The following AGAP1 variants were observed in gnomAD, a reference collection of about 807,000 sequenced individuals.
AGAP1 encodes arf-GAP with GTPase, ANK repeat and PH domain-containing protein 1.
In AGAP1, 29 loss-of-function variants were observed where a neutral mutation model predicts 105.3. The ratio of observed to expected loss-of-function variants is 0.28; its 90% CI spans 0.21 to 0.38. AGAP1 has a LOEUF of 0.38. AGAP1 is among the 10% of genes least tolerant of loss of function. The pLI is 1.00. For synonymous variants in AGAP1, 509 were observed against 485.9 expected (o/e 1.05, Z -0.63); for missense variants, 998 against 1,165.1 (o/e 0.86, Z 2.09).
intron 15 of AGAP1, among the ~76,000 whole-genome samples, chr2:236,047,631 G>A (rs192795268): frequency 0.1 from 9,420 of 91,472 alleles, 1,481 homozygotes; most frequent in African/African-American, 0.36. Flanking sequence ...GAGGAGTCTC[G>A]TTCTGTCACC....
At chr2:235,863,173 C>T (rs1297053508) in intron 9 of AGAP1, among the ~76,000 whole-genome samples, 1 of 152,182 alleles carries the variant, frequency 6.6e-6, no homozygotes, top group African/African-American at 2.4e-5. Flanking sequence ...CCCTACTGTC[C>T]ATAAGCTCAT....
chr2:235,894,310 T>G (rs1041073914), intron 10 of AGAP1, among the ~76,000 whole-genome samples: 1 of 152,090 alleles, frequency 6.6e-6, no homozygotes, highest in East Asian at 1.9e-4. Context: ...TAATCCCCAT[T>G]GAACAGAGCC....
chr2:235,798,031 A>C (rs1270295314), intron 7 of AGAP1, 145 bp downstream of exon 7: 2 of 1,065,276 alleles, frequency 1.9e-6, no homozygotes, highest in African/African-American at 1.6e-5. Context: ...CATTTTCTTC[A>C]GAAACTGCTG....
chr2:235,671,380 A>C (rs1280055821), intron 1 of AGAP1, among the ~76,000 whole-genome samples: 1 of 152,056 alleles, frequency 6.6e-6, no homozygotes. Context: ...GCGGGCCCTG[A>C]GCTGGCTGCC....
Position 235,961,371 on chromosome 2 carries a change from G to T in AGAP1, c.1484-7091G>T, listed in dbSNP as rs1005697994. 2.6e-5 allele frequency among the ~76,000 whole-genome samples: 4 copies of T among 152,244 alleles called. No individual in the cohort carries two copies. Among genetic ancestry groups the T allele is most frequent in the Non-Finnish European group, 5.9e-5 (4 of 68,050 alleles). ...CCGTCTAAGGCGGCAGGGATGAGCT[G>T]TGTGGATGCTGCTGAGACTGGTGTG... On this transcript the variant is annotated intron_variant, in intron 12 of 17. Transcript: ENST00000304032. This position sits in a 1 kb window ranked among gnomAD's most constrained non-coding sequence, Gnocchi z 5.9.
intron 1 of AGAP1, among the ~76,000 whole-genome samples, chr2:235,583,871 C>A (rs1945015125): frequency 2.1e-5 from 2 of 95,562 alleles, no homozygotes; most frequent in Admixed American, 9.8e-5. Flanking sequence ...GAGATCATGT[C>A]TTAAAAAAAA....
chr2:235,564,140 T>G (rs1025441212), intron 1 of AGAP1, among the ~76,000 whole-genome samples: 7 of 152,182 alleles, frequency 4.6e-5, no homozygotes, highest in African/African-American at 1.7e-4. Context: ...CACACAACCT[T>G]TTAAAATTTA....
intron 9 of AGAP1, among the ~76,000 whole-genome samples, chr2:235,828,899 C>T (rs1364144153): frequency 6.6e-6 from 1 of 152,196 alleles, no homozygotes; most frequent in East Asian, 1.9e-4. Context: ...ACCTTGAGTC[C>T]TCGTTTGTAA....
rs1259857988 is a variant in AGAP1, at chr2:236,042,903, G to A, written c.1891+2062G>A. 6.6e-6 allele frequency among the ~76,000 whole-genome samples: 1 copy of A among 152,218 alleles called. No homozygotes were observed. Among genetic ancestry groups the A allele is most frequent in the Non-Finnish European group, 1.5e-5 (1 of 68,040 alleles). ...CCGGTGCCAAACCCTCCCATGCGCT[G>A]TCTTTTCATTCTGCAACCCTAGTAG... On this transcript the variant is annotated intron_variant, in intron 15 of 17. Coordinates refer to ENST00000304032, the MANE Select transcript of AGAP1 (RefSeq NM_001037131.3). The surrounding 1 kb of genome is among the most constrained non-coding windows in gnomAD (Gnocchi z 5.6).
At chr2:235,915,999 T>C (rs2051861470) in intron 11 of AGAP1, among the ~76,000 whole-genome samples, 1 of 152,076 alleles carries the variant, frequency 6.6e-6, no homozygotes, top group South Asian at 2.1e-4. Flanking sequence ...TTAAATATAA[T>C]GGAAATATTC....
rs1946909356 is a variant in AGAP1, at chr2:235,633,914, G to A, written c.164-75265G>A. On this transcript the variant is annotated intron_variant, in intron 1 of 17. Transcript: ENST00000304032. This position sits in a 1 kb window ranked among gnomAD's most constrained non-coding sequence, Gnocchi z 4.8. ...GCAAGAGATCAGGAGAGCAGGAGAAGCTCAGAGAGAAACTTGGCTGCATCT... is the reference window on the plus strand; with the variant it reads ...GCAAGAGATCAGGAGAGCAGGAGAAACTCAGAGAGAAACTTGGCTGCATCT... Among the ~76,000 whole-genome samples, 1 of 152,164 alleles carries A rather than the reference G, an allele frequency of 6.6e-6. No individual in the cohort carries two copies. The highest frequency in any genetic ancestry group is 2.4e-5 in the African/African-American group (1 of 41,430).
At position 235,930,424 on chromosome 2, in the gene AGAP1, G is replaced by A. The variant is rs774399504; in HGVS notation, c.1325-341G>A. Among the ~76,000 whole-genome samples the A allele has an allele frequency of 2.0e-5, 3 of 152,246 alleles. No individual in the cohort carries two copies. The highest frequency in any genetic ancestry group is 6.5e-5 in the Admixed American group (1 of 15,300). Reference sequence around the variant, plus strand: ...CCATCTTGCCGGCCTGCCGGATCGCGGTGTCTCTGCTAAGACTCGCTGGGT... The same window carrying A: ...CCATCTTGCCGGCCTGCCGGATCGCAGTGTCTCTGCTAAGACTCGCTGGGT... On this transcript the variant is annotated intron_variant, in intron 11 of 17. Transcript: ENST00000304032. This position sits in a 1 kb window ranked among gnomAD's most constrained non-coding sequence, Gnocchi z 7.9.
chr2:235,932,867 C>T (rs2052790486), intron 12 of AGAP1, among the ~76,000 whole-genome samples: 1 of 152,212 alleles, frequency 6.6e-6, no homozygotes, highest in Non-Finnish European at 1.5e-5. Flanking sequence ...AAGTGGGCTG[C>T]ATTGTCTGCA....
intron 6 of AGAP1, among the ~76,000 whole-genome samples, chr2:235,763,057 T>TGTGTGTGTGTGTGC (rs953192018): frequency 1.9e-5 from 2 of 107,108 alleles, no homozygotes; most frequent in African/African-American, 5.9e-5. Context: ...TGTGTATGTG[T>TGTGTGTGTGTGTGC]GCGCGCGCGC....
rs191289496 is a variant in AGAP1, at chr2:235,721,164, C to T, written c.310+3520C>T. Among the ~76,000 whole-genome samples the T allele has an allele frequency of 8.9e-4, 136 of 152,160 alleles. 3 individuals are homozygous for T. The East Asian group carries it at 0.02, about 23-fold the overall frequency. ...CTGGGATTACAGGCACCCCCCACCG[C>T]GCCCGGATAATTTTTGTATTTTTGG... is the stretch of plus-strand genomic sequence containing the variant. On this transcript the variant is annotated intron_variant, in intron 3 of 17. Coordinates refer to ENST00000304032, the MANE Select transcript of AGAP1 (RefSeq NM_001037131.3). The surrounding 1 kb of genome is among the most constrained non-coding windows in gnomAD (Gnocchi z 4.5).
Position 235,615,091 on chromosome 2 carries a change from C to T in AGAP1, c.164-94088C>T, listed in dbSNP as rs969165817. ...ATTACAGCCCCTTCCATGAAGAGTG[C>T]AAGTACGCCTGACTCCTCCGCGCAG... is the stretch of plus-strand genomic sequence containing the variant. On this transcript the variant is annotated intron_variant, in intron 1 of 17. Transcript: ENST00000304032. This position sits in a 1 kb window ranked among gnomAD's most constrained non-coding sequence, Gnocchi z 5.0. 2.0e-5 allele frequency among the ~76,000 whole-genome samples: 3 copies of T among 152,188 alleles called. No individual in the cohort carries two copies. The South Asian group carries it at 6.2e-4, about 32-fold the overall frequency.
In AGAP1 at chr2:235,612,866, A is replaced by G. The variant is rs1003994916; in HGVS notation, c.164-96313A>G. ...GATTCTGGCTTCTGCTTCCAGTGAG[A>G]CTCCGCCCAGGTTATGTTTGTGGCC... On this transcript the variant is annotated intron_variant, in intron 1 of 17. Coordinates refer to ENST00000304032, the MANE Select transcript of AGAP1 (RefSeq NM_001037131.3). This position sits in a 1 kb window ranked among gnomAD's most constrained non-coding sequence, Gnocchi z 4.3. Among the ~76,000 whole-genome samples the G allele has an allele frequency of 1.3e-5, 2 of 151,154 alleles. No homozygotes were observed. Among genetic ancestry groups the G allele is most frequent in the African/African-American group, 4.9e-5 (2 of 41,060 alleles).
chr2:235,859,090 G>A (rs1036546693), intron 9 of AGAP1, among the ~76,000 whole-genome samples: 7 of 152,138 alleles, frequency 4.6e-5, no homozygotes, highest in Non-Finnish European at 8.8e-5. Flanking sequence ...ATGTTGTCTC[G>A]ATCTTTATTA....
intron 17 of AGAP1, among the ~76,000 whole-genome samples, chr2:236,122,691 T>C (rs2059928329): frequency 6.7e-6 from 1 of 149,002 alleles, no homozygotes; most frequent in Admixed American, 6.7e-5. Flanking sequence ...TTTTTTTTTT[T>C]TTTTTTTTTG....
Sources: allele counts gnomAD v4.1 joint callset (sites outside exome capture counted in the v4.1 genomes callset), GRCh38; gene constraint gnomAD v4.1.1; non-coding constraint Gnocchi (gnomAD v3.1); transcripts MANE v1.5; gene names NCBI Gene and HGNC (gene_info 2026-07-23, HGNC 2026-07-21).